Variants in VPS8 observed in about 807,000 individuals in gnomAD.
VPS8 encodes vacuolar protein sorting-associated protein 8 homolog.
VPS8 carries 129 observed loss-of-function variants against 216.4 expected under a neutral mutation model. The ratio of observed to expected loss-of-function variants is 0.60; its 90% CI spans 0.52 to 0.69. The LOEUF (loss-of-function observed/expected upper bound fraction) is 0.69, where lower values mean the gene tolerates loss of function less well. VPS8 is among the 30% of genes least tolerant of loss of function. VPS8 has a pLI of 0.00. For missense variants in VPS8, 1,531 were observed against 1,683.5 expected (o/e 0.91, Z 1.59); for synonymous variants, 571 against 565.4 (o/e 1.01, Z -0.14).
In VPS8 at chr3:184,984,677, T is replaced by C. The variant is rs373741945; in HGVS notation, c.3585+1583T>C. ...ATTCTTTGATATAGACTGCTTCACATATCCATTTTAAAGCTCATTACTTAT... is the reference window on the plus strand; with the variant it reads ...ATTCTTTGATATAGACTGCTTCACACATCCATTTTAAAGCTCATTACTTAT... On this transcript the variant is annotated intron_variant, in intron 42 of 47. Coordinates refer to ENST00000625842, the MANE Select transcript of VPS8 (RefSeq NM_001009921.3). Among the ~76,000 whole-genome samples the C allele has an allele frequency of 9.8e-5, 15 of 152,338 alleles. No homozygotes were observed. In the East Asian group the frequency reaches 2.9e-3, roughly 29 times the overall value.
intron 45 of VPS8, among the ~76,000 whole-genome samples, chr3:185,002,601 C>G (rs771829443): frequency 2.6e-5 from 4 of 152,090 alleles, no homozygotes; most frequent in African/African-American, 4.8e-5. Context: ...TTACTTTGCT[C>G]CAGTCCTTCC....
intron 30 of VPS8, among the ~76,000 whole-genome samples, chr3:184,925,618 A>C (rs1165756863): frequency 2.0e-5 from 3 of 152,154 alleles, no homozygotes; most frequent in Non-Finnish European, 4.4e-5. Context: ...TATTATTAGC[A>C]GTAAATATTA....
Position 184,868,977 on chromosome 3 carries a change from T to C in VPS8, c.1538T>C (p.Leu513Pro), listed in dbSNP as rs369328821. The change falls in exon 19 of 48, where the codon CTT becomes CCT. Residue 513 changes from leucine to proline, a missense_variant. Physicochemically the swap from Leu to Pro is moderately conservative, Grantham distance 98 (BLOSUM62 -3). Transcript: ENST00000625842. ...GATCATCTCCTGAAACAAGATTGTC[T>C]TACAGAAGCGTTGGCTCTTGCGTGG... ...RVDHLLKQDC[L>P]TEALALAWSF... The C allele has an allele frequency of 2.2e-5, 35 of 1,610,574 alleles. No individual in the cohort carries two copies. In the African/African-American group the frequency reaches 4.1e-4, roughly 19 times the overall value.
At chr3:184,975,598 T>C (rs1749126753) in intron 40 of VPS8, among the ~76,000 whole-genome samples, 1 of 152,180 alleles carries the variant, frequency 6.6e-6, no homozygotes, top group Non-Finnish European at 1.5e-5. Context: ...TGAATAACAG[T>C]GGTAAAAGTG....
At chr3:184,928,563 T>C in intron 32 of VPS8, 30 bp downstream of exon 32, 2 of 1,395,306 alleles carry the variant, frequency 1.4e-6, no homozygotes, top group Non-Finnish European at 1.9e-6. Flanking sequence ...TATATTAGTT[T>C]GCCATAGAAA....
intron 10 of VPS8, among the ~76,000 whole-genome samples, chr3:184,852,262 G>C (rs539420371): frequency 4.5e-4 from 68 of 152,048 alleles, no homozygotes; most frequent in Non-Finnish European, 9.1e-4. Context: ...TTCTTTTATC[G>C]TGATGAAAGG....
rs772731390 is a variant in VPS8, at chr3:184,824,685, C to G, written c.53C>G (p.Thr18Arg). ...ENVEQSLCAK[T>R]SEEELNKSFN... Reference sequence around the variant, plus strand: ...GTGGAACAGAGCCTCTGTGCCAAGACGAGCGAAGAAGAGCTGAATAAGTCT... The same window carrying G: ...GTGGAACAGAGCCTCTGTGCCAAGAGGAGCGAAGAAGAGCTGAATAAGTCT... The change falls in exon 2 of 48, where the codon ACG becomes AGG. Residue 18 changes from threonine to arginine, a missense_variant. By Grantham distance (71) the Thr-to-Arg change is moderately conservative (BLOSUM62 -1). Around this residue, in one of 3 missense-constraint regions of VPS8, gnomAD observed 199 missense variants for 182.2 expected, o/e 1.09. Transcript: ENST00000625842. The G allele has an allele frequency of 2.5e-6, 4 of 1,613,860 alleles. No individual in the cohort carries two copies. In the Admixed American group the frequency reaches 6.7e-5, roughly 27 times the overall value.
intron 1 of VPS8, among the ~76,000 whole-genome samples, 158 bp from the exon 2 acceptor site, chr3:184,824,387 A>C (rs1383632708): frequency 2.6e-5 from 4 of 152,166 alleles, no homozygotes; most frequent in Admixed American, 6.5e-5. Context: ...CCCTCTCCTA[A>C]TAACATACCC....
intron 46 of VPS8, among the ~76,000 whole-genome samples, chr3:185,046,358 AAGAT>A (rs1172791591): frequency 6.6e-6 from 1 of 152,190 alleles, no homozygotes; most frequent in Non-Finnish European, 1.5e-5. Flanking sequence ...TATGCAGTAA[AAGAT>A]AAAAGCCATG....
intron 6 of VPS8, chr3:184,839,364 G>T (rs1454874084): frequency 3.8e-6 from 1 of 262,228 alleles, no homozygotes; most frequent in South Asian, 5.5e-5. Context: ...GAAGCTCTAG[G>T]TTGGGTAGCA....
At chr3:184,850,065 C>A in intron 10 of VPS8, 43 bp downstream of exon 10, 1 of 1,491,998 alleles carries the variant, frequency 6.7e-7, no homozygotes, top group South Asian at 1.2e-5. Flanking sequence ...TTTTATTATG[C>A]CTTTGTGTTT....
intron 15 of VPS8, among the ~76,000 whole-genome samples, chr3:184,862,420 G>C (rs192111575): frequency 3.2e-4 from 49 of 152,278 alleles, no homozygotes; most frequent in African/African-American, 1.1e-3. Flanking sequence ...ATAATTTTAA[G>C]AGAGATTTTG....
intron 7 of VPS8, 156 bp downstream of exon 7, chr3:184,839,908 A>T: frequency 7.1e-7 from 1 of 1,405,472 alleles, no homozygotes; most frequent in Non-Finnish European, 9.2e-7. Context: ...GCTAAAAATT[A>T]TTTGCCTCAC....
rs1481706624 is a variant in VPS8, at chr3:184,854,000, C to T, written c.965C>T (p.Ser322Phe). The change falls in exon 12 of 48, where the codon TCC becomes TTC. Residue 322 changes from serine to phenylalanine, a missense_variant. Physicochemically the swap from Ser to Phe is radical, Grantham distance 155. This residue lies in a region of VPS8 where 1,318 missense variants were observed against 1,468.4 expected (regional missense o/e 0.90). Transcript: ENST00000625842. The stretch of plus-strand genomic sequence containing the variant: ...CAGTTTTCATTATTGGCCATGGCAT[C>T]CTTGACAAAAGTAAGTGTATTTAGA... ...ITQFSLLAMA[S>F]LTKILVIGLK... is the part of the protein sequence containing the mutation. 6.2e-7 allele frequency: 1 copy of T among 1,613,636 alleles called. No homozygotes were observed.
At position 184,976,489 on chromosome 3, in the gene VPS8, T is replaced by A. The variant is rs529568614; in HGVS notation, c.3420+4737T>A. Among the ~76,000 whole-genome samples, 94 of 152,244 alleles carry A rather than the reference T, an allele frequency of 6.2e-4. 1 individual carries two copies. Among genetic ancestry groups the A allele is most frequent in the Non-Finnish European group, 1.1e-3 (76 of 67,974 alleles). The stretch of plus-strand genomic sequence containing the variant: ...GTTGTGTCTCTGCCAGGTTTTGGTA[T>A]CAGAATAATGCTGGCCTTTGTTACC... On this transcript the variant is annotated intron_variant, in intron 40 of 47. Transcript: ENST00000625842.
At chr3:184,849,333 C>CT in intron 9 of VPS8, 138 bp downstream of exon 9, 2 of 1,065,750 alleles carry the variant, frequency 1.9e-6, no homozygotes, top group Non-Finnish European at 2.6e-6. Context: ...ATTGCTGAAT[C>CT]TGAGTTTTGT....
At chr3:184,879,047 C>T (rs1433190895) in intron 21 of VPS8, among the ~76,000 whole-genome samples, 1 of 152,136 alleles carries the variant, frequency 6.6e-6, no homozygotes, top group African/African-American at 2.4e-5. Flanking sequence ...ACCATCGCTC[C>T]AAAAAGCAAA....
chr3:184,965,807 GA>G (rs1747313908), intron 38 of VPS8, among the ~76,000 whole-genome samples: 1 of 152,168 alleles, frequency 6.6e-6, no homozygotes, highest in South Asian at 2.1e-4. Flanking sequence ...GTACAGGTAT[GA>G]GTCTATGAGA....
At chr3:184,862,188 C>T (rs1345179860) in intron 15 of VPS8, among the ~76,000 whole-genome samples, 1 of 152,064 alleles carries the variant, frequency 6.6e-6, no homozygotes, top group East Asian at 1.9e-4. Flanking sequence ...CTTCTGAATT[C>T]TGATTGAGCA....
Sources: allele counts gnomAD v4.1 joint callset (sites outside exome capture counted in the v4.1 genomes callset), GRCh38; gene constraint gnomAD v4.1.1; regional missense constraint gnomAD v4.1.1; transcripts MANE v1.5; gene names NCBI Gene and HGNC (gene_info 2026-07-23, HGNC 2026-07-21).